TAF3: variants seen among roughly 807,000 people sequenced by gnomAD.
TAF3 encodes transcription initiation factor TFIID subunit 3.
TAF3 carries 7 observed loss-of-function variants against 80.6 expected under a neutral mutation model. The observed-to-expected ratio is 0.09, with a 90% CI of 0.05 to 0.16. TAF3 has a LOEUF of 0.16. Among genes scored for constraint, TAF3 ranks in the 10% least tolerant of loss-of-function variants. TAF3 has a pLI of 1.00. For missense variants in TAF3, 921 were observed against 1,140.2 expected (o/e 0.81, Z 2.77); for synonymous variants, 444 against 446.1 (o/e 1.00, Z 0.06).
intron 2 of TAF3, among the ~76,000 whole-genome samples, chr10:7,859,309 A>AATAAATAT (rs1554778012): frequency 1.0e-4 from 14 of 138,922 alleles, no homozygotes; most frequent in African/African-American, 3.8e-4. Flanking sequence ...TAAATAAATA[A>AATAAATAT]ATAAATAAAA....
At chr10:7,918,263 T>C (rs1325308375) in intron 2 of TAF3, among the ~76,000 whole-genome samples, 1 of 152,050 alleles carries the variant, frequency 6.6e-6, no homozygotes, top group Non-Finnish European at 1.5e-5. Flanking sequence ...TATGAAATGG[T>C]CTTCATGAAG....
intron 2 of TAF3, among the ~76,000 whole-genome samples, chr10:7,953,126 C>T (rs1564370209): frequency 6.6e-6 from 1 of 152,136 alleles, no homozygotes; most frequent in African/African-American, 2.4e-5. Context: ...TAGTAATACC[C>T]CGTGTTCTAC....
chr10:7,856,673 G>A (rs2131130966), intron 2 of TAF3, among the ~76,000 whole-genome samples: 1 of 151,928 alleles, frequency 6.6e-6, no homozygotes, highest in South Asian at 2.1e-4. Flanking sequence ...AGGAACAAGG[G>A]CTCCTTCGAA....
intron 4 of TAF3, among the ~76,000 whole-genome samples, chr10:7,983,924 T>G (rs949785679): frequency 5.3e-5 from 8 of 152,184 alleles, no homozygotes; most frequent in Non-Finnish European, 1.2e-4. Context: ...GAATGACTGG[T>G]GAAGTTCACA....
At chr10:7,965,837 A>G in intron 3 of TAF3, 95 bp downstream of exon 3, 1 of 1,373,520 alleles carries the variant, frequency 7.3e-7, no homozygotes, top group Non-Finnish European at 9.5e-7. Context: ...TTCTGGGTGT[A>G]AATCACCCAT....
intron 2 of TAF3, among the ~76,000 whole-genome samples, chr10:7,910,888 T>C (rs1174026938): frequency 1.3e-5 from 2 of 152,224 alleles, no homozygotes; most frequent in Non-Finnish European, 2.9e-5. Flanking sequence ...CATGCTTTCT[T>C]AAGTTGTGAA....
At chr10:7,914,619 A>T (rs2131182391) in intron 2 of TAF3, among the ~76,000 whole-genome samples, 1 of 152,268 alleles carries the variant, frequency 6.6e-6, no homozygotes, top group East Asian at 1.9e-4. Context: ...TTGCATTTTG[A>T]TGTTTCTGTA....
chr10:7,898,629 C>A (rs550969891), intron 2 of TAF3, among the ~76,000 whole-genome samples: 2 of 151,968 alleles, frequency 1.3e-5, no homozygotes, highest in Non-Finnish European at 2.9e-5. Context: ...TCTCTCTCCC[C>A]CTCAGTTGTA....
chr10:7,986,673 T>A (rs1412447867), intron 4 of TAF3, among the ~76,000 whole-genome samples: 1 of 152,168 alleles, frequency 6.6e-6, no homozygotes, highest in East Asian at 1.9e-4. Flanking sequence ...TCTTCAAGCT[T>A]GGCTGTCTCC....
intron 2 of TAF3, among the ~76,000 whole-genome samples, chr10:7,857,032 C>G (rs1000921899): frequency 6.6e-6 from 1 of 152,188 alleles, no homozygotes; most frequent in Non-Finnish European, 1.5e-5. Context: ...TCCCAACTTT[C>G]ATGTCCGTAA....
chr10:7,958,080 C>A (rs945799147), intron 2 of TAF3, among the ~76,000 whole-genome samples: 1 of 152,140 alleles, frequency 6.6e-6, no homozygotes, highest in Non-Finnish European at 1.5e-5. Flanking sequence ...TCATTATACA[C>A]ATGCATGCAA....
At chr10:7,985,544 C>A (rs1407870010) in intron 4 of TAF3, among the ~76,000 whole-genome samples, 3 of 152,174 alleles carry the variant, frequency 2.0e-5, no homozygotes, top group African/African-American at 7.2e-5. Flanking sequence ...TTACTTTCTT[C>A]TAATTGTTCA....
At chr10:7,831,992 A>G (rs937988895) in intron 2 of TAF3, among the ~76,000 whole-genome samples, 3 of 152,160 alleles carry the variant, frequency 2.0e-5, no homozygotes, top group African/African-American at 7.2e-5. Context: ...TAATTAAGTC[A>G]AGCTAGTTAA....
intron 2 of TAF3, among the ~76,000 whole-genome samples, chr10:7,830,273 C>T (rs985260352): frequency 1.3e-5 from 2 of 151,994 alleles, no homozygotes; most frequent in Non-Finnish European, 2.9e-5. Context: ...AGAAACAGAA[C>T]TTTACCAGCT....
At chr10:7,845,705 C>T (rs969229655) in intron 2 of TAF3, among the ~76,000 whole-genome samples, 10 of 152,156 alleles carry the variant, frequency 6.6e-5, no homozygotes, top group Admixed American at 6.5e-5. Context: ...AGCCTTACTC[C>T]GTGTGGCTGT....
intron 2 of TAF3, among the ~76,000 whole-genome samples, chr10:7,842,187 T>G (rs71481744): frequency 0.013 from 1,833 of 138,670 alleles, 26 homozygotes; most frequent in African/African-American, 0.031. Flanking sequence ...TTTTTTTTTT[T>G]TTTTGAGACA....
intron 4 of TAF3, among the ~76,000 whole-genome samples, chr10:7,995,861 G>T (rs979719040): frequency 3.3e-5 from 5 of 152,150 alleles, no homozygotes; most frequent in African/African-American, 4.8e-5. Flanking sequence ...GGATCAAGAA[G>T]AATAAGGAAT....
intron 2 of TAF3, among the ~76,000 whole-genome samples, chr10:7,832,605 G>A (rs941600176): frequency 6.6e-6 from 1 of 152,062 alleles, no homozygotes; most frequent in Non-Finnish European, 1.5e-5. Context: ...GTGCAGTGGT[G>A]TGATCTCAGC....
At chr10:7,861,797 T>C (rs76713082) in intron 2 of TAF3, among the ~76,000 whole-genome samples, 1 of 152,172 alleles carries the variant, frequency 6.6e-6, no homozygotes, top group South Asian at 2.1e-4. Context: ...TCTTTTTTTT[T>C]CTCAATGCTT....
Sources: allele counts gnomAD v4.1 joint callset (sites outside exome capture counted in the v4.1 genomes callset), GRCh38; gene constraint gnomAD v4.1.1; transcripts MANE v1.5; gene names NCBI Gene and HGNC (gene_info 2026-07-23, HGNC 2026-07-21).